ESR1: variants seen among roughly 807,000 people sequenced by gnomAD.
ESR1 encodes the protein estrogen receptor 1.
Under a neutral mutation model 52.7 loss-of-function variants are expected in ESR1, and 12 were observed. The ratio of observed to expected loss-of-function variants is 0.23; its 90% CI spans 0.15 to 0.37. The LOEUF (loss-of-function observed/expected upper bound fraction) is 0.37. Ranked by LOEUF, ESR1 falls within the 10% of genes least tolerant of loss-of-function variation. The probability of loss-of-function intolerance (pLI) is 1.00; values close to 1 mark genes in which losing one functional copy is unlikely to be tolerated. For missense variants in ESR1, 584 were observed against 779.7 expected (o/e 0.75, Z 2.99); for synonymous variants, 305 against 316.8 (o/e 0.96, Z 0.39).
chr6:151,801,363 A>G (rs1305829632), upstream of ESR1, among the ~76,000 whole-genome samples: 1 of 152,236 alleles, frequency 6.6e-6, no homozygotes, highest in African/African-American at 2.4e-5. Context: ...TATTGTTAAA[A>G]GAAATTTTCC....
chr6:152,032,495 T>A (rs2044814032), intron 5 of ESR1, among the ~76,000 whole-genome samples: 1 of 152,026 alleles, frequency 6.6e-6, no homozygotes, highest in Non-Finnish European at 1.5e-5. Flanking sequence ...TATACACCAA[T>A]AACAGACAAA....
intron 6 of ESR1, among the ~76,000 whole-genome samples, chr6:152,077,825 C>T (rs2048866912): frequency 1.3e-5 from 2 of 152,204 alleles, no homozygotes; most frequent in Admixed American, 6.5e-5. Context: ...AATGCCTAAA[C>T]CCGCATTGTA....
chr6:151,882,890 C>G (rs1046465989), intron 3 of ESR1, among the ~76,000 whole-genome samples: 1 of 152,012 alleles, frequency 6.6e-6, no homozygotes, highest in Admixed American at 6.6e-5. Context: ...CTGTTTTCTC[C>G]TAGGAATCTA....
At chr6:151,664,816 G>A (rs187863969) in intron 1 of ESR1, among the ~76,000 whole-genome samples, 2 of 152,206 alleles carry the variant, frequency 1.3e-5, no homozygotes, top group Admixed American at 1.3e-4. Context: ...TGTTTTTCTT[G>A]CTTTCTTTTA....
chr6:152,072,659 C>G (rs1335233134), intron 6 of ESR1, among the ~76,000 whole-genome samples: 1 of 152,220 alleles, frequency 6.6e-6, no homozygotes, highest in Non-Finnish European at 1.5e-5. Context: ...TCCAGATTCT[C>G]TGCAACAGAA....
At chr6:151,811,698 A>G (rs1460751176) in intron 1 of ESR1, among the ~76,000 whole-genome samples, 1 of 152,168 alleles carries the variant, frequency 6.6e-6, no homozygotes, top group Non-Finnish European at 1.5e-5. Context: ...TACTTAGATA[A>G]CATTTCAGCC....
At chr6:151,684,052 G>T (rs1778559907) in intron 1 of ESR1, among the ~76,000 whole-genome samples, 1 of 151,944 alleles carries the variant, frequency 6.6e-6, no homozygotes, top group African/African-American at 2.4e-5. Context: ...CTAGACACAA[G>T]CTCCTCAGGA....
intron 1 of ESR1, among the ~76,000 whole-genome samples, chr6:151,668,357 C>A (rs1228300199): frequency 1.3e-5 from 2 of 152,078 alleles, no homozygotes; most frequent in African/African-American, 4.8e-5. Flanking sequence ...TGGCTCACTG[C>A]AAGCTCCGCC....
intron 4 of ESR1, among the ~76,000 whole-genome samples, chr6:152,001,244 G>T (rs1186018627): frequency 6.6e-6 from 1 of 151,968 alleles, no homozygotes; most frequent in African/African-American, 2.4e-5. Context: ...CCTAGAGGCT[G>T]GGAGGTTCAA....
chr6:151,973,302 T>G (rs1323747624), intron 4 of ESR1, among the ~76,000 whole-genome samples: 1 of 151,424 alleles, frequency 6.6e-6, no homozygotes, highest in Non-Finnish European at 1.5e-5. Context: ...AATACCTAGG[T>G]AGTAGAAGAT....
At chr6:151,663,933 C>T (rs903538361) in intron 1 of ESR1, among the ~76,000 whole-genome samples, 19 of 152,088 alleles carry the variant, frequency 1.2e-4, no homozygotes, top group South Asian at 2.1e-4. Context: ...TATTTGGTAT[C>T]GGCTTCCTTT....
Position 152,011,649 on chromosome 6 carries a change from T to A in ESR1, c.1097-7T>A. The A allele has an allele frequency of 6.2e-7, 1 of 1,613,136 alleles. No individual in the cohort carries two copies. Among genetic ancestry groups the A allele is most frequent in the South Asian group, 1.1e-5 (1 of 91,076 alleles). ...GAGTCAGCAGGGTTTTTCTTGCTTG[T>A]TTTCAGGCTTTGTGGATTTGACCCT... On this transcript the variant is annotated splice_region_variant and splice_polypyrimidine_tract_variant and intron_variant, in intron 4 of 7. Transcript: ENST00000206249.
At chr6:151,986,471 C>G (rs1047260294) in intron 4 of ESR1, among the ~76,000 whole-genome samples, 1 of 151,986 alleles carries the variant, frequency 6.6e-6, no homozygotes, top group African/African-American at 2.4e-5. Context: ...CCCCCAGGCC[C>G]CTTGGTATGG....
chr6:151,739,870 C>T (rs572457703), intron 2 of ESR1, among the ~76,000 whole-genome samples: 1 of 152,262 alleles, frequency 6.6e-6, no homozygotes, highest in African/African-American at 2.4e-5. Flanking sequence ...ACTACATGGT[C>T]CTTATTTGTC....
At chr6:151,966,330 T>A (rs1048113572) in intron 4 of ESR1, among the ~76,000 whole-genome samples, 9 of 152,192 alleles carry the variant, frequency 5.9e-5, no homozygotes, top group African/African-American at 2.2e-4. Flanking sequence ...TTCAGAATGA[T>A]GAACCTTCTC....
At chr6:151,985,507 C>CAAAA (rs560626079) in intron 4 of ESR1, among the ~76,000 whole-genome samples, 2 of 51,338 alleles carry the variant, frequency 3.9e-5, no homozygotes, top group African/African-American at 1.2e-4. Flanking sequence ...GACTCTGTCT[C>CAAAA]AAAAAAAAAA....
intron 5 of ESR1, among the ~76,000 whole-genome samples, chr6:152,017,536 G>T (rs2043259525): frequency 6.6e-6 from 1 of 152,154 alleles, no homozygotes; most frequent in South Asian, 2.1e-4. Flanking sequence ...GCCTGTGAAA[G>T]TAATCAGGAA....
At chr6:151,996,298 C>T (rs1025176219) in intron 4 of ESR1, among the ~76,000 whole-genome samples, 1 of 152,266 alleles carries the variant, frequency 6.6e-6, no homozygotes, top group Non-Finnish European at 1.5e-5. Context: ...AGGTTTCCTT[C>T]TCTCAATACA....
exon 7 of ESR1, chr6:152,129,071 C>T (rs1323799525): frequency 6.6e-6 from 1 of 152,274 alleles, no homozygotes; most frequent in Non-Finnish European, 1.5e-5. Context: ...TGAAAGGCGC[C>T]TTGCGAGTGT....
Sources: allele counts gnomAD v4.1 joint callset (sites outside exome capture counted in the v4.1 genomes callset), GRCh38; gene constraint gnomAD v4.1.1; transcripts MANE v1.5; gene names NCBI Gene and HGNC (gene_info 2026-07-23, HGNC 2026-07-21).